Variants in SMIM14 observed in about 807,000 individuals in gnomAD.
SMIM14 encodes chromosome 4 open reading frame 34.
Under a neutral mutation model 12.6 loss-of-function variants are expected in SMIM14, and 5 were observed. That is an observed-to-expected ratio of 0.40 (90% CI 0.21 to 0.83). The LOEUF (loss-of-function observed/expected upper bound fraction) is 0.83. SMIM14 is among the 40% of genes least tolerant of loss of function. The pLI, the probability that SMIM14 is intolerant of heterozygous loss-of-function variation, is 0.37. For missense variants in SMIM14, 86 were observed against 119.1 expected (o/e 0.72, Z 1.29); for synonymous variants, 30 against 40.1 (o/e 0.75, Z 0.95).
chr4:39,561,854 G>A (rs922418161), intron 3 of SMIM14, among the ~76,000 whole-genome samples: 1 of 151,880 alleles, frequency 6.6e-6, no homozygotes, highest in Non-Finnish European at 1.5e-5. Context: ...AAAATTGCTC[G>A]AACCCGGAAG....
At chr4:39,576,659 T>TATA (rs1713187429) in intron 2 of SMIM14, among the ~76,000 whole-genome samples, 1 of 5,812 alleles carries the variant, frequency 1.7e-4, no homozygotes, top group Non-Finnish European at 6.9e-4. Flanking sequence ...TGTGTGTATG[T>TATA]GTATATATAT....
At chr4:39,626,136 G>A (rs764431974) in intron 1 of SMIM14, among the ~76,000 whole-genome samples, 4 of 152,200 alleles carry the variant, frequency 2.6e-5, no homozygotes, top group African/African-American at 7.2e-5. Context: ...TAGGCTGCAC[G>A]ATCCTTATGA....
intron 1 of SMIM14, among the ~76,000 whole-genome samples, chr4:39,628,720 CTTTT>C (rs541461723): frequency 7.4e-6 from 1 of 135,276 alleles, no homozygotes; most frequent in African/African-American, 2.7e-5. Flanking sequence ...AAATGTTTTT[CTTTT>C]TTTTTTTTTT....
chr4:39,596,081 C>A (rs1239355636), intron 2 of SMIM14, among the ~76,000 whole-genome samples: 2 of 151,960 alleles, frequency 1.3e-5, no homozygotes, highest in African/African-American at 4.8e-5. Flanking sequence ...CCCTTGATTG[C>A]ATATATAGTG....
At chr4:39,615,875 T>C (rs1050742515) in intron 1 of SMIM14, among the ~76,000 whole-genome samples, 9 of 152,190 alleles carry the variant, frequency 5.9e-5, no homozygotes, top group African/African-American at 1.9e-4. Context: ...AGAATTATAT[T>C]TCTATCACTC....
chr4:39,562,655 A>G (rs1712368221), intron 3 of SMIM14, among the ~76,000 whole-genome samples: 2 of 151,680 alleles, frequency 1.3e-5, no homozygotes, highest in South Asian at 2.1e-4. Flanking sequence ...TGCCCAATTA[A>G]TTTTTTTATA....
chr4:39,566,453 C>A (rs185226911), intron 3 of SMIM14, among the ~76,000 whole-genome samples: 49 of 152,056 alleles, frequency 3.2e-4, no homozygotes, highest in Admixed American at 3.1e-3. Context: ...AGGAAATAAT[C>A]CAGGGGCTAA....
rs1339477098 is a variant in SMIM14, at chr4:39,576,660, G to GTGTA, written c.76-4198_76-4197insTACA. ...CTTATACCTATGTGTGTGTGTATGT[G>GTGTA]TATATATATATATATATATATATAT... On this transcript the variant is annotated intron_variant, in intron 2 of 4. Transcript: ENST00000295958. Among the ~76,000 whole-genome samples, 429 of 72,330 alleles carry GTGTA rather than the reference G, an allele frequency of 5.9e-3. 26 individuals carry two copies. The highest frequency in any genetic ancestry group is 0.027 in the Middle Eastern group (4 of 146). 47.5% of individuals were successfully genotyped at this position (72,330 alleles called of 152,430 possible). A position where few individuals can be genotyped will look rare whatever the true frequency, so the allele number is the denominator to read the frequency against.
intron 1 of SMIM14, among the ~76,000 whole-genome samples, chr4:39,606,920 G>T (rs1714835114): frequency 2.0e-5 from 3 of 152,122 alleles, no homozygotes; most frequent in Non-Finnish European, 4.4e-5. Context: ...TGTCCGAAAT[G>T]AAAAATACAC....
chr4:39,581,533 T>TTTTTTTTA (rs1713495180), intron 2 of SMIM14, among the ~76,000 whole-genome samples: 1 of 150,134 alleles, frequency 6.7e-6, no homozygotes, highest in African/African-American at 2.4e-5. Context: ...TTTTTTTTTT[T>TTTTTTTTA]GAGACAGGGT....
At chr4:39,614,941 T>A (rs1384662292) in intron 1 of SMIM14, among the ~76,000 whole-genome samples, 1 of 152,212 alleles carries the variant, frequency 6.6e-6, no homozygotes, top group East Asian at 1.9e-4. Context: ...TTGGCAGTAA[T>A]AACTCAGTTG....
At position 39,572,467 on chromosome 4, in the gene SMIM14, C is replaced by G; in HGVS notation, c.76-4G>C. ...AGTAGGACTGGGACTGCCGTAACTACAATGAATAAGAAAGGGAAGTTAGTG... is the reference window on the plus strand; with the variant it reads ...AGTAGGACTGGGACTGCCGTAACTAGAATGAATAAGAAAGGGAAGTTAGTG... On this transcript the variant is annotated splice_region_variant and splice_polypyrimidine_tract_variant and intron_variant, in intron 2 of 4. Transcript: ENST00000295958. The G allele has an allele frequency of 6.2e-7, 1 of 1,606,450 alleles. No individual in the cohort carries two copies. The highest frequency in any genetic ancestry group is 1.1e-5 in the South Asian group (1 of 90,576).
chr4:39,594,702 T>G (rs1714278682), intron 2 of SMIM14: 2 of 146,694 alleles, frequency 1.4e-5, no homozygotes, highest in Non-Finnish European at 3.0e-5. Context: ...CAAACAAATT[T>G]ACAAGAAAAA....
intron 1 of SMIM14, 153 bp downstream of exon 1, chr4:39,638,586 C>A: frequency 1.0e-6 from 1 of 980,762 alleles, no homozygotes; most frequent in Non-Finnish European, 1.2e-6. Flanking sequence ...GGTGCAGAAT[C>A]GCCAGCCCGG....
At chr4:39,593,771 G>A (rs1048653543) in intron 2 of SMIM14, 4 of 152,034 alleles carry the variant, frequency 2.6e-5, no homozygotes, top group Non-Finnish European at 5.9e-5. Context: ...GACAAACAGA[G>A]AGCCAAATCA....
intron 1 of SMIM14, among the ~76,000 whole-genome samples, chr4:39,628,663 C>A (rs1000531252): frequency 6.9e-6 from 1 of 145,112 alleles, no homozygotes. Flanking sequence ...GCCTGGGTGA[C>A]AAGGCGAGAC....
intron 1 of SMIM14, among the ~76,000 whole-genome samples, chr4:39,619,155 T>C (rs1228904259): frequency 6.7e-6 from 1 of 148,640 alleles, no homozygotes; most frequent in Non-Finnish European, 1.5e-5. Context: ...GAGATAATTA[T>C]AATTTAATTT....
chr4:39,622,073 CTTTTTTGTTTTTTG>C (rs768536371), intron 1 of SMIM14, among the ~76,000 whole-genome samples: 1 of 151,962 alleles, frequency 6.6e-6, no homozygotes, highest in African/African-American at 2.4e-5. Context: ...AGCAAATGCA[CTTTTTTGTTTTTTG>C]TTTTTTGTTT....
At chr4:39,587,160 A>G (rs1410679309) in intron 2 of SMIM14, among the ~76,000 whole-genome samples, 2 of 152,030 alleles carry the variant, frequency 1.3e-5, no homozygotes, top group Non-Finnish European at 2.9e-5. Context: ...CCTTCTATGT[A>G]AAACAAAAAT....
Sources: allele counts gnomAD v4.1 joint callset (sites outside exome capture counted in the v4.1 genomes callset), GRCh38; gene constraint gnomAD v4.1.1; transcripts MANE v1.5; gene names NCBI Gene and HGNC (gene_info 2026-07-23, HGNC 2026-07-21).